PCNX2: variants seen among roughly 807,000 people sequenced by gnomAD.
PCNX2 encodes pecanex-like protein 2.
PCNX2 carries 168 observed loss-of-function variants against 223.8 expected under a neutral mutation model. The observed-to-expected ratio is 0.75, with a 90% confidence interval of 0.66 to 0.85. The LOEUF (loss-of-function observed/expected upper bound fraction) is 0.85. PCNX2 is among the 40% of genes least tolerant of loss of function. The probability of loss-of-function intolerance (pLI) is 0.00; values close to 1 mark genes in which losing one functional copy is unlikely to be tolerated. For synonymous variants in PCNX2, 1,006 were observed against 1,052.6 expected, an observed-to-expected ratio of 0.96 and a Z score of 0.86; for missense variants, 2,507 against 2,675.5, an observed-to-expected ratio of 0.94 and a Z score of 1.39.
intron 23 of PCNX2, among the ~76,000 whole-genome samples, chr1:233,080,539 C>G (rs952362068): frequency 6.6e-6 from 1 of 152,032 alleles, no homozygotes; most frequent in Non-Finnish European, 1.5e-5. Flanking sequence ...GGCTGGAAGT[C>G]CGAGATGAGG....
Position 233,262,179 on chromosome 1 carries a change from A to G in PCNX2, c.360-14T>C. Reference sequence around the variant, plus strand: ...TGCCTATTATTGCTAACCCAACATGAGAAACACAAGAGCAGTGAGCGATAT... The same window carrying G: ...TGCCTATTATTGCTAACCCAACATGGGAAACACAAGAGCAGTGAGCGATAT... On this transcript the variant is annotated splice_polypyrimidine_tract_variant and intron_variant, in intron 2 of 33. Transcript: ENST00000258229. The G allele has an allele frequency of 6.2e-7, 1 of 1,613,340 alleles. No homozygotes were observed.
At chr1:233,169,502 G>A (rs1028308553) in intron 17 of PCNX2, among the ~76,000 whole-genome samples, 14 of 151,432 alleles carry the variant, frequency 9.2e-5, no homozygotes, top group East Asian at 3.9e-4. Flanking sequence ...AAAATTAGCC[G>A]GGCATGGTGG....
Position 233,161,272 on chromosome 1 carries a change from C to A in PCNX2, c.3365G>T (p.Arg1122Leu). Reference protein sequence around the residue: ...VSASTVFLSLRPFLSIVLFAL... With the variant: ...VSASTVFLSLLPFLSIVLFAL... ...AGTACAAAGTTGGTGGATACATACT[C>A]GCAATGACAGGAATACAGTGCTGGC... Residue 1122 changes from arginine to leucine, a missense_variant and splice_region_variant, in exon 18 of 34, where the codon CGA becomes CTA. Around this residue, in one of 3 missense-constraint regions of PCNX2, gnomAD observed 1,372 missense variants for 1,509.4 expected, o/e 0.91. Coordinates refer to ENST00000258229, the MANE Select transcript of PCNX2 (RefSeq NM_014801.4). The A allele has an allele frequency of 6.2e-7, 1 of 1,612,786 alleles. No homozygotes were observed. Among genetic ancestry groups the A allele is most frequent in the South Asian group, 1.1e-5 (1 of 91,010 alleles).
At chr1:233,143,387 A>T (rs1677240741) in intron 19 of PCNX2, among the ~76,000 whole-genome samples, 1 of 152,252 alleles carries the variant, frequency 6.6e-6, no homozygotes, top group Admixed American at 6.5e-5. Context: ...TCTGGAATGG[A>T]GCCAGACATT....
At chr1:233,216,909 C>A (rs545775463) in intron 12 of PCNX2, among the ~76,000 whole-genome samples, 26 of 152,176 alleles carry the variant, frequency 1.7e-4, no homozygotes, top group African/African-American at 6.3e-4. Flanking sequence ...TCATTTGCAA[C>A]AACACTGATG....
At position 232,990,884 on chromosome 1, in the gene PCNX2, G is replaced by A. The variant is rs1271977498; in HGVS notation, c.5792-4344C>T. On this transcript the variant is annotated intron_variant, in intron 32 of 33. Coordinates refer to ENST00000258229, the MANE Select transcript of PCNX2 (RefSeq NM_014801.4). This position sits in a 1 kb window ranked among gnomAD's most constrained non-coding sequence, Gnocchi z 4.3. ...GGACCTTGGGCCTACTTGCAGGCACGTGCACCCCCAGACGGGCATGTGAAT... is the reference window on the plus strand; with the variant it reads ...GGACCTTGGGCCTACTTGCAGGCACATGCACCCCCAGACGGGCATGTGAAT... Among the ~76,000 whole-genome samples, 2 of 152,290 alleles carry A rather than the reference G, an allele frequency of 1.3e-5. No individual in the cohort carries two copies. Among genetic ancestry groups the A allele is most frequent in the Non-Finnish European group, 2.9e-5 (2 of 68,034 alleles).
chr1:233,295,907 T>C (rs192501849), upstream of PCNX2, among the ~76,000 whole-genome samples: 20 of 145,992 alleles, frequency 1.4e-4, no homozygotes, highest in East Asian at 4.2e-3. This position sits in a 1 kb window ranked among gnomAD's most constrained non-coding sequence, Gnocchi z 4.1. Context: ...TCTTTTTCCT[T>C]CCTCCTCCCT....
At chr1:233,027,365 G>T (rs2102836853) in intron 25 of PCNX2, among the ~76,000 whole-genome samples, 1 of 152,270 alleles carries the variant, frequency 6.6e-6, no homozygotes, top group African/African-American at 2.4e-5. Context: ...ACAATTTCTG[G>T]AAGTTTAAAA....
At chr1:233,174,066 TATATATA>T (rs2102849333) in intron 17 of PCNX2, among the ~76,000 whole-genome samples, 2 of 141,848 alleles carry the variant, frequency 1.4e-5, no homozygotes, top group Admixed American at 1.4e-4. Flanking sequence ...ATTTAAATTT[TATATATA>T]ATATATAAAA....
intron 21 of PCNX2, among the ~76,000 whole-genome samples, chr1:233,107,342 C>T (rs916383477): frequency 6.6e-6 from 1 of 152,236 alleles, no homozygotes; most frequent in South Asian, 2.1e-4. Context: ...GAGCTGTGAT[C>T]AAGCCACTCC....
chr1:233,115,323 C>G (rs1401655706), intron 21 of PCNX2, among the ~76,000 whole-genome samples: 1 of 152,026 alleles, frequency 6.6e-6, no homozygotes, highest in Non-Finnish European at 1.5e-5. Context: ...AACAGGAACT[C>G]AATATAATAA....
intron 1 of PCNX2, among the ~76,000 whole-genome samples, chr1:233,293,220 C>A (rs567801063): frequency 6.6e-6 from 1 of 152,010 alleles, no homozygotes. Flanking sequence ...ACATTAAATG[C>A]GAATGTGGTG....
rs185326422 is a variant in PCNX2 at position 233,000,267 on chromosome 1, C to G, written c.5328+38G>C. The G allele has an allele frequency of 1.5e-5, 23 of 1,585,644 alleles. No individual in the cohort carries two copies. Among genetic ancestry groups the G allele is most frequent in the Non-Finnish European group, 2.0e-5 (23 of 1,154,666 alleles). ...CTATTTCTTCTCAGATAGAGAGACA[C>G]GAGCCAACAGGGGACCCAGAAAGTG... On this transcript the variant is annotated intron_variant, in intron 30 of 33. Coordinates refer to ENST00000258229, the MANE Select transcript of PCNX2 (RefSeq NM_014801.4). This position sits in a 1 kb window ranked among gnomAD's most constrained non-coding sequence, Gnocchi z 4.6.
the PCNX2 span, among the ~76,000 whole-genome samples, chr1:233,312,861 C>T: frequency 6.6e-6 from 1 of 151,082 alleles, no homozygotes; most frequent in Non-Finnish European, 1.5e-5. Context: ...TCTGGGCCAT[C>T]AGTCAATGGA....
intron 1 of PCNX2, among the ~76,000 whole-genome samples, chr1:233,268,183 G>C (rs950752082): frequency 6.6e-6 from 1 of 152,080 alleles, no homozygotes; most frequent in Non-Finnish European, 1.5e-5. Context: ...AAGTGCTGGG[G>C]TTACAGGCTT....
chr1:233,175,534 A>G (rs2102852507), intron 17 of PCNX2, among the ~76,000 whole-genome samples: 1 of 152,294 alleles, frequency 6.6e-6, no homozygotes, highest in East Asian at 1.9e-4. Flanking sequence ...TGAAGGGCAT[A>G]GTTTTTCTCA....
At chr1:233,252,552 T>C in intron 6 of PCNX2, 53 bp from the exon 7 acceptor site, 2 of 1,586,044 alleles carry the variant, frequency 1.3e-6, no homozygotes, top group Non-Finnish European at 1.7e-6. Context: ...CTCCTTATCC[T>C]TGATAAAGCA....
At chr1:233,027,775 T>C (rs1183117628) in intron 25 of PCNX2, among the ~76,000 whole-genome samples, 1 of 152,170 alleles carries the variant, frequency 6.6e-6, no homozygotes, top group East Asian at 1.9e-4. Context: ...CTCTTCCTTT[T>C]AAAAATGTAA....
At chr1:233,073,741 T>C (rs189325060) in intron 23 of PCNX2, among the ~76,000 whole-genome samples, 1 of 152,064 alleles carries the variant, frequency 6.6e-6, no homozygotes, top group East Asian at 1.9e-4. Flanking sequence ...GCCTCTTCAG[T>C]AGCTAAAACT....
Sources: gnomAD v4.1 joint callset for allele counts (sites outside exome capture counted in the v4.1 genomes callset) on GRCh38, gnomAD v4.1.1 for gene constraint, gnomAD v4.1.1 regional missense constraint, Gnocchi (gnomAD v3.1) non-coding constraint, MANE v1.5 for transcripts, NCBI Gene and HGNC (gene_info 2026-07-23, HGNC 2026-07-21) for gene names.